CFAP299: variants seen among roughly 807,000 people sequenced by gnomAD.
CFAP299 encodes the protein cilia- and flagella-associated protein 299.
In CFAP299, 21 loss-of-function variants were observed where a neutral mutation model predicts 27.0. The observed-to-expected ratio is 0.78, with a 90% CI of 0.55 to 1.12. The LOEUF (loss-of-function observed/expected upper bound fraction) is 1.12. Ranked by LOEUF, CFAP299 falls within the 50% of genes most tolerant of loss-of-function variation. The pLI is 0.00. For synonymous variants in CFAP299, 104 were observed against 98.1 expected (o/e 1.06, Z -0.36); for missense variants, 310 against 276.6 (o/e 1.12, Z -0.86).
intron 3 of CFAP299, among the ~76,000 whole-genome samples, chr4:80,718,943 T>C (rs1293818093): frequency 6.6e-6 from 1 of 152,122 alleles, no homozygotes; most frequent in Admixed American, 6.6e-5. Flanking sequence ...ATATACACCA[T>C]GGAATACTAT....
At chr4:80,374,326 C>T (rs1228485439) in intron 2 of CFAP299, among the ~76,000 whole-genome samples, 1 of 152,104 alleles carries the variant, frequency 6.6e-6, no homozygotes, top group Non-Finnish European at 1.5e-5. Flanking sequence ...ATCAGACCTA[C>T]CATGTCCCTA....
intron 4 of CFAP299, among the ~76,000 whole-genome samples, chr4:80,881,974 G>C (rs1733726785): frequency 6.6e-6 from 1 of 152,076 alleles, no homozygotes; most frequent in African/African-American, 2.4e-5. Context: ...AAATTTACTA[G>C]AGGCCTCAAC....
chr4:80,333,973 T>TA (rs1722031111), upstream of CFAP299, among the ~76,000 whole-genome samples: 1 of 152,166 alleles, frequency 6.6e-6, no homozygotes, highest in Non-Finnish European at 1.5e-5. Flanking sequence ...AAAGGACAAT[T>TA]GAGTTATACG....
intron 3 of CFAP299, among the ~76,000 whole-genome samples, chr4:80,690,344 T>A (rs1018402984): frequency 1.3e-4 from 19 of 151,752 alleles, no homozygotes; most frequent in African/African-American, 4.6e-4. Flanking sequence ...ACAAACTATC[T>A]CTCAGACCAC....
chr4:80,947,762 G>A (rs1737550463), intron 5 of CFAP299, among the ~76,000 whole-genome samples: 1 of 152,058 alleles, frequency 6.6e-6, no homozygotes, highest in Non-Finnish European at 1.5e-5. Context: ...TTTAATTATT[G>A]TGGACAAGAT....
rs143486009 is a variant in CFAP299 at position 80,569,111 on chromosome 4, T to C, written c.243-13982T>C. Among the ~76,000 whole-genome samples, 787 of 152,214 alleles carry C rather than the reference T, an allele frequency of 5.2e-3. 5 individuals are homozygous for C. Among genetic ancestry groups the C allele is most frequent in the Middle Eastern group, 0.02 (6 of 294 alleles). ...GTGAGAAGAGCTTCCTACTCCGTCA[T>C]TGTGGCTAATTCTTGTGTGTTTCCA... On this transcript the variant is annotated intron_variant, in intron 2 of 5. Transcript: ENST00000358105.
At chr4:80,439,618 C>CAGTTTTG in intron 2 of CFAP299, among the ~76,000 whole-genome samples, 1 of 152,272 alleles carries the variant, frequency 6.6e-6, no homozygotes, top group East Asian at 1.9e-4. Flanking sequence ...AACTAGGTGG[C>CAGTTTTG]TGTTTGGGCA....
At chr4:80,552,384 A>T (rs1470563436) in intron 2 of CFAP299, among the ~76,000 whole-genome samples, 2 of 152,140 alleles carry the variant, frequency 1.3e-5, no homozygotes, top group Non-Finnish European at 2.9e-5. Context: ...CGTGGCCTCG[A>T]CCTGTTAAAT....
At chr4:80,515,949 G>A (rs1732563599) in intron 2 of CFAP299, among the ~76,000 whole-genome samples, 3 of 151,454 alleles carry the variant, frequency 2.0e-5, no homozygotes, top group African/African-American at 7.3e-5. Context: ...AAAGTACATT[G>A]CATATGCATT....
Position 80,926,553 on chromosome 4 carries a change from G to C in CFAP299, c.477-18257G>C, listed in dbSNP as rs528593748. On this transcript the variant is annotated intron_variant, in intron 4 of 5. Coordinates refer to ENST00000358105, the MANE Select transcript of CFAP299 (RefSeq NM_152770.3). ...ATGGAATCTGTAAGACGTGATGAAA[G>C]ACAAGATGCATGGAGAAGGAGAGGG... Among the ~76,000 whole-genome samples, 3 of 152,130 alleles carry C rather than the reference G, an allele frequency of 2.0e-5. No individual in the cohort carries two copies. In the East Asian group the frequency reaches 5.8e-4, roughly 30 times the overall value.
intron 3 of CFAP299, among the ~76,000 whole-genome samples, chr4:80,791,839 GAT>G (rs563750669): frequency 7.4e-5 from 11 of 149,466 alleles, no homozygotes; most frequent in East Asian, 3.9e-4. Context: ...CATATTGACA[GAT>G]ATATATATAT....
Position 80,922,780 on chromosome 4 carries a change from A to G in CFAP299, c.477-22030A>G, listed in dbSNP as rs76283072. Among the ~76,000 whole-genome samples, 433 of 151,294 alleles carry G rather than the reference A, an allele frequency of 2.9e-3. 5 individuals are homozygous for G. The East Asian group carries it at 0.035, about 12-fold the overall frequency. The stretch of plus-strand genomic sequence containing the variant: ...AACAAGAAAACTGAAATCACTTTGA[A>G]TGCTCCCAACTAAAAATCTTAAAGT... On this transcript the variant is annotated intron_variant, in intron 4 of 5. Transcript: ENST00000358105.
chr4:80,634,577 G>A lies in CFAP299; in HGVS notation c.333+51394G>A, dbSNP rs144340934. ...TTAGCTATTATTTTAAACAATTTCC[G>A]CTTAGCTGTTTAAAACTTTCTACCT... On this transcript the variant is annotated intron_variant, in intron 3 of 5. Transcript: ENST00000358105. Among the ~76,000 whole-genome samples, 493 of 151,992 alleles carry A rather than the reference G, an allele frequency of 3.2e-3. 4 individuals are homozygous for A. The highest frequency in any genetic ancestry group is 0.02 in the Middle Eastern group (6 of 294).
At chr4:80,668,594 G>GA (rs1741261817) in intron 3 of CFAP299, among the ~76,000 whole-genome samples, 1 of 152,090 alleles carries the variant, frequency 6.6e-6, no homozygotes, top group South Asian at 2.1e-4. Flanking sequence ...AAACTTTGTT[G>GA]AAAATGAGTT....
At chr4:80,492,837 G>A (rs1731208834) in intron 2 of CFAP299, among the ~76,000 whole-genome samples, 1 of 152,306 alleles carries the variant, frequency 6.6e-6, no homozygotes, top group East Asian at 1.9e-4. Context: ...GGATTGGCTA[G>A]TTTGAATAAT....
chr4:80,747,216 G>C (rs956615448), intron 3 of CFAP299, among the ~76,000 whole-genome samples: 1 of 152,020 alleles, frequency 6.6e-6, no homozygotes, highest in African/African-American at 2.4e-5. Flanking sequence ...ACATAAACCA[G>C]TGGCATAGTA....
intron 2 of CFAP299, among the ~76,000 whole-genome samples, chr4:80,526,987 C>T (rs979021582): frequency 6.6e-6 from 1 of 151,984 alleles, no homozygotes; most frequent in Non-Finnish European, 1.5e-5. Flanking sequence ...AACTGTGAGA[C>T]CTTGGGCCAG....
chr4:80,623,831 G>A (rs370376450), intron 3 of CFAP299, among the ~76,000 whole-genome samples: 8 of 152,212 alleles, frequency 5.3e-5, no homozygotes, highest in African/African-American at 1.9e-4. Flanking sequence ...TCATCCTAGT[G>A]CAAGACAGGA....
intron 2 of CFAP299, chr4:80,387,421 G>C (rs1215309556): frequency 1.1e-6 from 1 of 913,330 alleles, no homozygotes; most frequent in Non-Finnish European, 1.8e-6. Flanking sequence ...GGCAGAACTG[G>C]AACAAGTAGG....
Sources: gnomAD v4.1 joint callset for allele counts (sites outside exome capture counted in the v4.1 genomes callset) on GRCh38, gnomAD v4.1.1 for gene constraint, MANE v1.5 for transcripts, NCBI Gene and HGNC (gene_info 2026-07-23, HGNC 2026-07-21) for gene names.